Variants in USP53 observed in about 807,000 individuals in gnomAD.
USP53 encodes ubiquitin carboxyl-terminal hydrolase 53.
In USP53, 71 loss-of-function variants were observed where a neutral mutation model predicts 94.9. The observed-to-expected ratio is 0.75, with a 90% CI of 0.62 to 0.91. The LOEUF is 0.91. Among genes scored for constraint, USP53 ranks in the 40% least tolerant of loss-of-function variants. The pLI is 0.00. For missense variants in USP53, 1,173 were observed against 1,281.0 expected (o/e 0.92, Z 1.29); for synonymous variants, 375 against 422.7 (o/e 0.89, Z 1.39).
chr4:119,283,353 G>A (rs1229001965), intron 17 of USP53, among the ~76,000 whole-genome samples: 1 of 151,960 alleles, frequency 6.6e-6, no homozygotes, highest in Non-Finnish European at 1.5e-5. Context: ...TGGGATAATG[G>A]CAACAGGGAT....
chr4:119,242,878 A>C (rs1022252437), intron 5 of USP53, among the ~76,000 whole-genome samples: 2 of 152,228 alleles, frequency 1.3e-5, no homozygotes, highest in African/African-American at 4.8e-5. Context: ...AGACATTAAA[A>C]TGTTTAGATC....
chr4:119,248,408 G>A (rs1561246213), intron 6 of USP53, among the ~76,000 whole-genome samples: 3 of 134,362 alleles, frequency 2.2e-5, no homozygotes, highest in Admixed American at 7.5e-5. Context: ...ATTAATTTTT[G>A]TATGAAATTT....
chr4:119,226,220 G>A (rs1382911939), intron 3 of USP53, among the ~76,000 whole-genome samples: 14 of 152,108 alleles, frequency 9.2e-5, no homozygotes, highest in Non-Finnish European at 2.1e-4. Flanking sequence ...CTACACATAA[G>A]GTTAAAGACT....
intron 3 of USP53, among the ~76,000 whole-genome samples, chr4:119,221,912 C>G (rs1479279168): frequency 6.6e-6 from 1 of 152,140 alleles, no homozygotes; most frequent in Non-Finnish European, 1.5e-5. Context: ...CTGCATTGCA[C>G]TGAAAACTTA....
At chr4:119,247,838 G>A (rs988742985) in intron 6 of USP53, among the ~76,000 whole-genome samples, 6 of 151,994 alleles carry the variant, frequency 3.9e-5, no homozygotes, top group Non-Finnish European at 8.8e-5. Flanking sequence ...TACTATAATG[G>A]CTAAAATAAT....
chr4:119,251,236 A>G (rs1748958013), intron 7 of USP53, among the ~76,000 whole-genome samples: 1 of 152,100 alleles, frequency 6.6e-6, no homozygotes, highest in Non-Finnish European at 1.5e-5. Context: ...ACATGAACTC[A>G]TCCTTTTTTG....
chr4:119,255,819 T>A (rs1321431790), intron 7 of USP53, among the ~76,000 whole-genome samples: 1 of 152,200 alleles, frequency 6.6e-6, no homozygotes, highest in Non-Finnish European at 1.5e-5. Context: ...AGAAATTACC[T>A]GTGTTCTGTG....
At chr4:119,229,520 T>C (rs564566390) in intron 3 of USP53, among the ~76,000 whole-genome samples, 1 of 152,338 alleles carries the variant, frequency 6.6e-6, no homozygotes, top group South Asian at 2.1e-4. Context: ...CAAGCTCATT[T>C]TCCTATAAAT....
chr4:119,271,566 G>A lies in USP53; in HGVS notation c.1706G>A (p.Arg569Lys). 2 of 1,613,766 alleles carry A rather than the reference G, an allele frequency of 1.2e-6. No homozygotes were observed. The highest frequency in any genetic ancestry group is 2.2e-5 in the South Asian group (2 of 91,066). ...GACAGCAGCCAAGATTCTAGGGATAGAGGAAACAGCTGTGATAGCAGCAGT... is the reference window on the plus strand; with the variant it reads ...GACAGCAGCCAAGATTCTAGGGATAAAGGAAACAGCTGTGATAGCAGCAGT... The part of the protein sequence containing the change: ...DTDSSQDSRD[R>K]GNSCDSSSKS... The change falls in exon 16 of 19, where the codon AGA becomes AAA. Residue 569 changes from arginine (R) to lysine (K), a missense_variant. Transcript: ENST00000692078.
chr4:119,235,151 C>T (rs146978340), intron 3 of USP53, 139 bp from the exon 4 acceptor site: 170 of 152,316 alleles, frequency 1.1e-3, no homozygotes, highest in African/African-American at 3.9e-3. Flanking sequence ...ACTGATGCTT[C>T]TTTGTTTTTC....
At chr4:119,260,410 A>G in intron 10 of USP53, 97 bp from the exon 11 acceptor site, 1 of 997,784 alleles carries the variant, frequency 1.0e-6, no homozygotes, top group Non-Finnish European at 1.4e-6. Context: ...AATAAATTGC[A>G]GATATGTGTT....
intron 17 of USP53, among the ~76,000 whole-genome samples, chr4:119,288,765 C>T (rs972998483): frequency 9.9e-5 from 15 of 151,780 alleles, no homozygotes; most frequent in African/African-American, 3.4e-4. Context: ...GAAGAAACCC[C>T]GTCTCTACTA....
At chr4:119,249,416 T>G (rs1383739778) in intron 7 of USP53, among the ~76,000 whole-genome samples, 2 of 152,168 alleles carry the variant, frequency 1.3e-5, no homozygotes, top group Non-Finnish European at 2.9e-5. Context: ...GTACATACTT[T>G]ATACATGTAA....
chr4:119,218,389 T>G (rs751053967), intron 3 of USP53: 3 of 152,232 alleles, frequency 2.0e-5, no homozygotes, highest in African/African-American at 4.8e-5. Flanking sequence ...TGGATACATG[T>G]GTATGCTTGT....
Position 119,248,778 on chromosome 4 carries a change from G to GA in USP53, c.273dup (p.Ala92SerfsTer6). The GA allele has an allele frequency of 6.2e-7, 1 of 1,613,974 alleles. No homozygotes were observed. The highest frequency in any genetic ancestry group is 8.5e-7 in the Non-Finnish European group (1 of 1,180,004). ...ATTTGCACAGTTCCAACACAGTCGA[G>GA]AAAAAGCACTTCCCTCAGATAACAT... On this transcript the variant is annotated frameshift_variant, in exon 7 of 19. Transcript: ENST00000692078. LOFTEE classifies it high-confidence loss of function.
intron 7 of USP53, among the ~76,000 whole-genome samples, chr4:119,252,025 T>A (rs1376713006): frequency 6.6e-6 from 1 of 152,184 alleles, no homozygotes; most frequent in Admixed American, 6.5e-5. Flanking sequence ...GTTTATGTGA[T>A]GGATTACATT....
In USP53 at chr4:119,295,386, A is replaced by C. The variant is rs1755160255; in HGVS notation, c.*2175A>C. On this transcript the variant is annotated 3_prime_UTR_variant, in exon 19 of 19. Transcript: ENST00000692078. ...GATGCTTTCATCCAGTTATAAGCTT[A>C]TTATAACTTTGTAAATATTTCAGCC... 1.3e-5 allele frequency: 2 copies of C among 152,182 alleles called. No homozygotes were observed. Among genetic ancestry groups the C allele is most frequent in the African/African-American group, 4.8e-5 (2 of 41,450 alleles). 9.4% of individuals were successfully genotyped at this position (152,182 alleles called of 1,614,324 possible). A position where few individuals can be genotyped will look rare whatever the true frequency, so the allele number is the denominator to read the frequency against.
At chr4:119,220,067 T>C (rs565733790) in intron 3 of USP53, 1 of 152,300 alleles carries the variant, frequency 6.6e-6, no homozygotes, top group South Asian at 2.1e-4. Context: ...ATTTAAGCCT[T>C]ACAGAAATTT....
intron 12 of USP53, chr4:119,266,352 T>G (rs1751126119): frequency 6.6e-6 from 3 of 456,060 alleles, no homozygotes; most frequent in African/African-American, 2.0e-5. Context: ...CTGTTTAACT[T>G]TACAAGAAAC....
Sources: gnomAD v4.1 joint callset for allele counts (sites outside exome capture counted in the v4.1 genomes callset) on GRCh38, gnomAD v4.1.1 for gene constraint, MANE v1.5 for transcripts, NCBI Gene and HGNC (gene_info 2026-07-23, HGNC 2026-07-21) for gene names.